CRACD: variants seen among roughly 807,000 people sequenced by gnomAD.
The protein encoded by CRACD is capping protein-inhibiting regulator of actin dynamics.
In CRACD, 56 loss-of-function variants were observed where a neutral mutation model predicts 106.8. The observed-to-expected ratio is 0.52, with a 90% confidence interval of 0.42 to 0.66. CRACD has a LOEUF of 0.66. Among genes scored for constraint, CRACD ranks in the 30% least tolerant of loss-of-function variants. The probability of loss-of-function intolerance (pLI) is 0.00; values close to 1 mark genes in which losing one functional copy is unlikely to be tolerated. For synonymous variants in CRACD, 754 were observed against 670.8 expected, an observed-to-expected ratio of 1.12 and a Z score of -1.92; for missense variants, 1,730 against 1,623.2, an observed-to-expected ratio of 1.07 and a Z score of -1.13.
chr4:56,159,318 A>G (rs989192296), intron 1 of CRACD, among the ~76,000 whole-genome samples: 2 of 152,218 alleles, frequency 1.3e-5, no homozygotes, highest in African/African-American at 2.4e-5. Context: ...CTTTCTGTGC[A>G]TAATTGCACT....
At chr4:56,270,530 T>C (rs1742287668) in intron 2 of CRACD, among the ~76,000 whole-genome samples, 1 of 152,142 alleles carries the variant, frequency 6.6e-6, no homozygotes, top group Non-Finnish European at 1.5e-5. Context: ...GTGGGGGAGT[T>C]GTATCTGTGC....
chr4:56,066,372 T>C (rs1422348629), intron 1 of CRACD, among the ~76,000 whole-genome samples: 1 of 152,104 alleles, frequency 6.6e-6, no homozygotes, highest in Non-Finnish European at 1.5e-5. Context: ...TCATCATAGC[T>C]TGTGGTCAGA....
chr4:56,126,998 A>G lies in CRACD; in HGVS notation c.-335-52286A>G, dbSNP rs765653814. Among the ~76,000 whole-genome samples the G allele has an allele frequency of 2.6e-4, 40 of 152,348 alleles. No homozygotes were observed. The Middle Eastern group carries it at 0.014, about 52-fold the overall frequency. ...TTCCAAAATTTATAGGTTAAAACTT[A>G]ATCCCCAATGTGACAGTGTTGGGAG... On this transcript the variant is annotated intron_variant, in intron 1 of 10. Coordinates refer to ENST00000682029, the MANE Select transcript of CRACD (RefSeq NM_001393381.1).
chr4:56,173,152 G>A (rs941401633), intron 1 of CRACD, among the ~76,000 whole-genome samples: 5 of 152,194 alleles, frequency 3.3e-5, no homozygotes, highest in Non-Finnish European at 7.3e-5. Flanking sequence ...GATCGCAGGA[G>A]CTGTGAAACA....
chr4:56,277,451 T>TTA (rs555300164), intron 3 of CRACD, among the ~76,000 whole-genome samples: 1,184 of 115,212 alleles, frequency 0.01, 22 homozygotes, highest in African/African-American at 0.044. Flanking sequence ...CTTTCATGAT[T>TTA]TATAAAAAAA....
Position 56,314,707 on chromosome 4 carries a change from G to T in CRACD, c.1205G>T (p.Gly402Val). The T allele has an allele frequency of 6.4e-7, 1 of 1,562,026 alleles. No homozygotes were observed. ...CGGGGCGCGGAGGAGGAGGATCTGG[G>T]GGAAGAGGAGGAGGAGGGCCAGGCG... ...GRRGAEEEDL[G>V]EEEEEGQAHL... Residue 402 changes from glycine (G) to valine (V), a missense_variant, in exon 8 of 11, where the codon GGG (glycine) becomes GTG (valine). Physicochemically the swap from Gly to Val is moderately radical, Grantham distance 109. Around this residue, in one of 5 missense-constraint regions of CRACD, gnomAD observed 1,620 missense variants for 1,481.6 expected, o/e 1.09. Coordinates refer to ENST00000682029, the MANE Select transcript of CRACD (RefSeq NM_001393381.1). The surrounding 1 kb of genome is among the most constrained non-coding windows in gnomAD (Gnocchi z 4.4).
intron 3 of CRACD, among the ~76,000 whole-genome samples, 182 bp downstream of exon 3, chr4:56,272,674 T>A (rs1232369022): frequency 2.0e-5 from 3 of 152,008 alleles, no homozygotes; most frequent in African/African-American, 7.2e-5. Context: ...GCAGATCACT[T>A]GAGGTCAGGA....
intron 1 of CRACD, among the ~76,000 whole-genome samples, chr4:56,178,525 GTATTCAATGAGAAA>G (rs1232192445): frequency 2.0e-5 from 3 of 152,178 alleles, no homozygotes; most frequent in African/African-American, 7.2e-5. Context: ...TGTTCTAGTT[GTATTCAATGAGAAA>G]TTGGTCTGCT....
chr4:56,088,773 A>C lies in CRACD; in HGVS notation c.-336+39474A>C, dbSNP rs1168648557. On this transcript the variant is annotated intron_variant, in intron 1 of 10. Transcript: ENST00000682029. ...TGCTCTGTTGCCCAGGCTGGAGTGCAGGAGTGCAGCAGCGTGAGCGTGGCT... is the reference window on the plus strand; with the variant it reads ...TGCTCTGTTGCCCAGGCTGGAGTGCCGGAGTGCAGCAGCGTGAGCGTGGCT... Among the ~76,000 whole-genome samples, 3 of 151,658 alleles carry C rather than the reference A, an allele frequency of 2.0e-5. No individual in the cohort carries two copies. The East Asian group carries it at 5.9e-4, about 30-fold the overall frequency.
intron 1 of CRACD, among the ~76,000 whole-genome samples, chr4:56,115,908 C>T (rs1013012693): frequency 9.9e-5 from 15 of 152,182 alleles, no homozygotes; most frequent in African/African-American, 3.4e-4. Context: ...CTGGATTTTT[C>T]AGTCATTAGA....
intron 1 of CRACD, among the ~76,000 whole-genome samples, chr4:56,084,783 A>T (rs1733158316): frequency 6.6e-6 from 1 of 152,180 alleles, no homozygotes; most frequent in Non-Finnish European, 1.5e-5. Flanking sequence ...GCTAACATGG[A>T]GAATAGTCTG....
In CRACD at chr4:56,316,164, A is replaced by G. The variant is rs1233667559; in HGVS notation, c.2662A>G (p.Ser888Gly). 1 of 1,614,156 alleles carries G rather than the reference A, an allele frequency of 6.2e-7. No homozygotes were observed. Among genetic ancestry groups the G allele is most frequent in the Admixed American group, 1.7e-5 (1 of 60,034 alleles). ...SADAGPPAAG[S>G]ARGEKEMEGV... is the part of the protein sequence containing the mutation. ...GGATGCAGGGCCGCCTGCAGCGGGG[A>G]GCGCTCGTGGAGAGAAAGAGATGGA... is the stretch of plus-strand genomic sequence containing the variant. Residue 888 changes from serine (S) to glycine (G), a missense_variant, in exon 8 of 11, where the codon AGC (serine) becomes GGC (glycine). Physicochemically the swap from Ser to Gly is moderately conservative, Grantham distance 56. Transcript: ENST00000682029.
chr4:56,321,852 T>C (rs1746126251), intron 8 of CRACD, among the ~76,000 whole-genome samples: 1 of 152,216 alleles, frequency 6.6e-6, no homozygotes, highest in African/African-American at 2.4e-5. Flanking sequence ...TGAATTCTCT[T>C]TGTACAGCAT....
chr4:56,196,786 A>G (rs1027028718), intron 2 of CRACD, among the ~76,000 whole-genome samples: 2 of 152,108 alleles, frequency 1.3e-5, no homozygotes, highest in Non-Finnish European at 2.9e-5. Flanking sequence ...CACCTAACTA[A>G]TAAGACACTT....
intron 2 of CRACD, among the ~76,000 whole-genome samples, chr4:56,195,461 G>GT (rs1737562184): frequency 6.6e-6 from 1 of 152,088 alleles, no homozygotes; most frequent in Non-Finnish European, 1.5e-5. Context: ...TGACATGAAG[G>GT]TATTAAGACA....
chr4:56,178,388 T>TA (rs1736674236), intron 1 of CRACD, among the ~76,000 whole-genome samples: 1 of 152,202 alleles, frequency 6.6e-6, no homozygotes, highest in African/African-American at 2.4e-5. Flanking sequence ...GGAAAAGTGG[T>TA]ACAAAATGTC....
chr4:56,070,252 T>A (rs1732592768), intron 1 of CRACD, among the ~76,000 whole-genome samples: 1 of 151,842 alleles, frequency 6.6e-6, no homozygotes, highest in South Asian at 2.1e-4. Flanking sequence ...CACGTTGTGC[T>A]TTGCCTACTC....
In CRACD at chr4:56,131,260, T is replaced by G. The variant is rs1238131480; in HGVS notation, c.-335-48024T>G. On this transcript the variant is annotated intron_variant, in intron 1 of 10. Transcript: ENST00000682029. ...ATGTTTCTAAGACTCTGTTTCCTCATCTCGATTAAGTGCTATAGTATCCAT... is the reference window on the plus strand; with the variant it reads ...ATGTTTCTAAGACTCTGTTTCCTCAGCTCGATTAAGTGCTATAGTATCCAT... 3.9e-5 allele frequency among the ~76,000 whole-genome samples: 6 copies of G among 152,308 alleles called. No homozygotes were observed. The East Asian group carries it at 1.2e-3, about 29-fold the overall frequency.
intron 1 of CRACD, among the ~76,000 whole-genome samples, chr4:56,160,433 C>T (rs1004772376): frequency 6.6e-6 from 1 of 152,186 alleles, no homozygotes. Context: ...GTCTGCCCGC[C>T]TCAGCCTCCC....
Sources: gnomAD v4.1 joint callset for allele counts (sites outside exome capture counted in the v4.1 genomes callset) on GRCh38, gnomAD v4.1.1 for gene constraint, gnomAD v4.1.1 regional missense constraint, Gnocchi (gnomAD v3.1) non-coding constraint, MANE v1.5 for transcripts, NCBI Gene and HGNC (gene_info 2026-07-23, HGNC 2026-07-21) for gene names.